Variants in PLEKHA5 observed in about 807,000 individuals in gnomAD.
PLEKHA5 encodes the protein pleckstrin homology domain-containing family A member 5.
In PLEKHA5, 55 loss-of-function variants were observed where a neutral mutation model predicts 181.9. That is an observed-to-expected ratio of 0.30 (90% confidence interval 0.24 to 0.38). The LOEUF is 0.38. Ranked by LOEUF, PLEKHA5 falls within the 10% of genes least tolerant of loss-of-function variation. The probability of loss-of-function intolerance (pLI) is 1.00; values close to 1 mark genes in which losing one functional copy is unlikely to be tolerated. For synonymous variants in PLEKHA5, 535 were observed against 529.4 expected, an observed-to-expected ratio of 1.01 and a Z score of -0.15; for missense variants, 1,432 against 1,549.5, an observed-to-expected ratio of 0.92 and a Z score of 1.27.
intron 20 of PLEKHA5, among the ~76,000 whole-genome samples, chr12:19,331,369 T>A (rs571580491): frequency 1.2e-4 from 19 of 152,268 alleles, no homozygotes; most frequent in Admixed American, 3.3e-4. Flanking sequence ...GATTTTTTTT[T>A]AAATAGAATT....
At chr12:19,307,014 T>G in intron 15 of PLEKHA5, 2 of 1,495,484 alleles carry the variant, frequency 1.3e-6, no homozygotes, top group East Asian at 2.3e-5. Context: ...GGGCTCCTAC[T>G]CTTGTTCCTG....
At chr12:19,262,449 G>T (rs1303033328) in intron 7 of PLEKHA5, among the ~76,000 whole-genome samples, 1 of 152,040 alleles carries the variant, frequency 6.6e-6, no homozygotes, top group Non-Finnish European at 1.5e-5. Flanking sequence ...ATGTTGTCCA[G>T]GCTGGTCTCA....
chr12:19,204,607 CTT>C (rs35629815), intron 3 of PLEKHA5, among the ~76,000 whole-genome samples: 2 of 152,056 alleles, frequency 1.3e-5, no homozygotes, highest in African/African-American at 4.8e-5. Context: ...TTTTATAAAA[CTT>C]TTTCTCAAAC....
At chr12:19,280,082 C>G (rs1016267281) in intron 11 of PLEKHA5, among the ~76,000 whole-genome samples, 9 of 124,638 alleles carry the variant, frequency 7.2e-5, no homozygotes, top group African/African-American at 2.1e-4. Flanking sequence ...AGGGCCATCC[C>G]TCTGTTGGCC....
intron 3 of PLEKHA5, among the ~76,000 whole-genome samples, chr12:19,173,039 C>T (rs1455992217): frequency 1.2e-4 from 2 of 16,434 alleles, no homozygotes; most frequent in Non-Finnish European, 3.4e-4. Flanking sequence ...TTTTTTGAGA[C>T]GGAGTCTCGC....
At chr12:19,301,345 A>G (rs1272077300) in intron 15 of PLEKHA5, among the ~76,000 whole-genome samples, 1 of 152,230 alleles carries the variant, frequency 6.6e-6, no homozygotes, top group Non-Finnish European at 1.5e-5. Flanking sequence ...GTTCACAGTA[A>G]AAGATTTTTT....
chr12:19,160,667 A>C (rs1016987598), intron 3 of PLEKHA5, among the ~76,000 whole-genome samples: 1 of 152,126 alleles, frequency 6.6e-6, no homozygotes, highest in Non-Finnish European at 1.5e-5. Flanking sequence ...ATTGATGTAC[A>C]TCTTTTTAGT....
chr12:19,191,095 A>G (rs2051013395), intron 3 of PLEKHA5, among the ~76,000 whole-genome samples: 1 of 152,188 alleles, frequency 6.6e-6, no homozygotes, highest in South Asian at 2.1e-4. Context: ...TGTCCACTTT[A>G]TATAATACTA....
chr12:19,365,897 CA>C (rs536235722), intron 29 of PLEKHA5, 66 bp from the exon 30 acceptor site: 117 of 1,112,492 alleles, frequency 1.1e-4, no homozygotes, highest in African/African-American at 2.1e-4. Context: ...TCTTTTATAA[CA>C]AAAAAAAGAA....
At chr12:19,253,064 C>CT (rs35536570) in intron 3 of PLEKHA5, among the ~76,000 whole-genome samples, 5,559 of 45,806 alleles carry the variant, frequency 0.12, 1,723 homozygotes, top group Non-Finnish European at 0.2. Context: ...ATCAACTTAC[C>CT]TTTTTTTTTT....
intron 15 of PLEKHA5, among the ~76,000 whole-genome samples, chr12:19,301,670 ATTG>A (rs1458318600): frequency 3.3e-5 from 5 of 152,216 alleles, no homozygotes; most frequent in African/African-American, 9.6e-5. Context: ...CTTTAAAAAT[ATTG>A]TTGATTCTTA....
At chr12:19,233,812 G>A (rs2060983077) in intron 3 of PLEKHA5, among the ~76,000 whole-genome samples, 1 of 152,180 alleles carries the variant, frequency 6.6e-6, no homozygotes, top group Admixed American at 6.5e-5. Context: ...TTTTAATGAA[G>A]CATTGTTCTT....
At chr12:19,365,669 G>C (rs933462575) in intron 29 of PLEKHA5, among the ~76,000 whole-genome samples, 1 of 152,108 alleles carries the variant, frequency 6.6e-6, no homozygotes, top group Non-Finnish European at 1.5e-5. Flanking sequence ...AATATGTTCT[G>C]AAGTACTTAC....
At chr12:19,254,822 T>A (rs2066406644) in intron 4 of PLEKHA5, among the ~76,000 whole-genome samples, 1 of 152,176 alleles carries the variant, frequency 6.6e-6, no homozygotes, top group Non-Finnish European at 1.5e-5. Flanking sequence ...GACTCTTGTC[T>A]TAAAAACTAA....
At position 19,179,993 on chromosome 12, in the gene PLEKHA5, C is replaced by T. The variant is rs151079668; in HGVS notation, c.227+47543C>T. ...AGGACTACAGGCATGTGCCATGCAC[C>T]ACCACGCCTGGCTAACAGGATAAAT... is the stretch of plus-strand genomic sequence containing the variant. On this transcript the variant is annotated intron_variant, in intron 3 of 31. Coordinates refer to ENST00000429027, the MANE Select transcript of PLEKHA5 (RefSeq NM_001256470.2). Among the ~76,000 whole-genome samples the T allele has an allele frequency of 4.5e-4, 68 of 152,272 alleles. No individual in the cohort carries two copies. The East Asian group carries it at 0.01, about 23-fold the overall frequency.
At chr12:19,231,918 C>A (rs2060685778) in intron 3 of PLEKHA5, among the ~76,000 whole-genome samples, 1 of 151,656 alleles carries the variant, frequency 6.6e-6, no homozygotes, top group Non-Finnish European at 1.5e-5. Flanking sequence ...TTTTTTCCAT[C>A]GAGAAAAATT....
intron 3 of PLEKHA5, among the ~76,000 whole-genome samples, chr12:19,242,856 A>G (rs2062929090): frequency 1.3e-5 from 2 of 152,298 alleles, no homozygotes; most frequent in South Asian, 2.1e-4. Flanking sequence ...ATTTGTATTT[A>G]AATTCTTTGA....
chr12:19,338,031 C>G (rs183724373), intron 21 of PLEKHA5, among the ~76,000 whole-genome samples: 7 of 86,852 alleles, frequency 8.1e-5, no homozygotes, highest in African/African-American at 2.4e-4. Context: ...AGCTCCATCT[C>G]AAAAAAAAAA....
chr12:19,354,725 G>A (rs879262225), intron 26 of PLEKHA5, among the ~76,000 whole-genome samples: 7 of 151,656 alleles, frequency 4.6e-5, no homozygotes, highest in Admixed American at 6.6e-5. Context: ...CTTGTGATCC[G>A]CCCGCCTCGG....
Sources: allele counts gnomAD v4.1 joint callset (sites outside exome capture counted in the v4.1 genomes callset), GRCh38; gene constraint gnomAD v4.1.1; transcripts MANE v1.5; gene names NCBI Gene and HGNC (gene_info 2026-07-23, HGNC 2026-07-21).